HSPA4L: variants seen among roughly 807,000 people sequenced by gnomAD.
HSPA4L encodes heat shock 70 kDa protein 4L.
Under a neutral mutation model 100.3 loss-of-function variants are expected in HSPA4L, and 48 were observed. The observed-to-expected ratio is 0.48, with a 90% CI of 0.38 to 0.61. The LOEUF (loss-of-function observed/expected upper bound fraction) is 0.61. Ranked by LOEUF, HSPA4L falls within the 20% of genes least tolerant of loss-of-function variation. The probability of loss-of-function intolerance (pLI) is 0.00; values close to 1 mark genes in which losing one functional copy is unlikely to be tolerated. For synonymous variants in HSPA4L, 319 were observed against 328.2 expected (o/e 0.97, Z 0.30); for missense variants, 886 against 988.6 (o/e 0.90, Z 1.39).
At chr4:127,791,384 A>G (rs1425557734) in intron 1 of HSPA4L, among the ~76,000 whole-genome samples, 1 of 152,236 alleles carries the variant, frequency 6.6e-6, no homozygotes, top group Non-Finnish European at 1.5e-5. Context: ...AGGTCCATCC[A>G]TAATTTTTGT....
chr4:127,789,325 T>C (rs915162341), intron 1 of HSPA4L, among the ~76,000 whole-genome samples: 5 of 152,156 alleles, frequency 3.3e-5, no homozygotes, highest in African/African-American at 1.2e-4. Flanking sequence ...CAAGAGCAGA[T>C]TGGATATTAT....
At position 127,839,121 on chromosome 4, in the gene HSPA4L, A is replaced by G. The variant is rs1433703864; in HGVS notation, c.*6247A>G. 1 of 152,178 alleles carries G rather than the reference A, an allele frequency of 6.6e-6. No homozygotes were observed. The highest frequency in any genetic ancestry group is 1.9e-4 in the East Asian group (1 of 5,206). 9.4% of individuals were successfully genotyped at this position (152,178 alleles called of 1,614,324 possible). A position where few individuals can be genotyped will look rare whatever the true frequency, so the allele number is the denominator to read the frequency against. On this transcript the variant is annotated 3_prime_UTR_variant, in exon 19 of 19. Transcript: ENST00000296464. ...ATTTGACAGAATAACAAGGGTCAGA[A>G]ATTCAAAATAGCTGTTAGACACCTT... is the stretch of plus-strand genomic sequence containing the variant.
intron 13 of HSPA4L, among the ~76,000 whole-genome samples, chr4:127,820,100 T>C (rs942933749): frequency 5.9e-5 from 9 of 152,132 alleles, no homozygotes; most frequent in African/African-American, 2.2e-4. Context: ...GCTGCAACAT[T>C]TTACAATCCT....
intron 4 of HSPA4L, 84 bp downstream of exon 4, chr4:127,798,793 C>A: frequency 7.6e-7 from 1 of 1,316,346 alleles, no homozygotes; most frequent in Non-Finnish European, 1.0e-6. Flanking sequence ...TCTTCCCTTA[C>A]ACTTTCTGCC....
At chr4:127,804,123 A>G in intron 8 of HSPA4L, 36 bp downstream of exon 8, 1 of 1,528,420 alleles carries the variant, frequency 6.5e-7, no homozygotes. Flanking sequence ...AAACTGTACC[A>G]TAATGTTGCC....
chr4:127,805,835 C>A, intron 10 of HSPA4L, 42 bp downstream of exon 10: 1 of 1,343,710 alleles, frequency 7.4e-7, no homozygotes, highest in Non-Finnish European at 1.0e-6. Flanking sequence ...TGTCATAAAT[C>A]TTTACCCAGT....
chr4:127,831,500 T>TAAA (rs1734079408), intron 18 of HSPA4L, among the ~76,000 whole-genome samples: 1 of 113,260 alleles, frequency 8.8e-6, no homozygotes, highest in Non-Finnish European at 1.7e-5. Flanking sequence ...ACCTTGTCTA[T>TAAA]TAAAAAAAAA....
chr4:127,803,178 C>T (rs368082212), intron 6 of HSPA4L, among the ~76,000 whole-genome samples: 1 of 151,876 alleles, frequency 6.6e-6, no homozygotes, highest in East Asian at 1.9e-4. Flanking sequence ...GTCAAAAGGC[C>T]TAATTTCTGA....
upstream of HSPA4L, chr4:127,781,963 C>T (rs1732563585): frequency 4.6e-6 from 2 of 432,846 alleles, no homozygotes; most frequent in Non-Finnish European, 4.7e-6. Context: ...AAATGTGCCT[C>T]AAAACACGTT....
intron 12 of HSPA4L, among the ~76,000 whole-genome samples, chr4:127,816,948 T>C (rs1733684388): frequency 6.6e-6 from 1 of 152,194 alleles, no homozygotes; most frequent in Admixed American, 6.5e-5. Flanking sequence ...TTTTTCTGAG[T>C]AATACAAAAA....
At chr4:127,805,004 G>A in intron 8 of HSPA4L, 69 bp from the exon 9 acceptor site, 1 of 984,326 alleles carries the variant, frequency 1.0e-6, no homozygotes, top group Non-Finnish European at 1.5e-6. Flanking sequence ...TTTTAAAAAA[G>A]TACTCGACAA....
Position 127,835,244 on chromosome 4 carries a change from G to A in HSPA4L, c.*2370G>A, listed in dbSNP as rs1444395690. The stretch of plus-strand genomic sequence containing the variant: ...AGCAAATAAGAATGAAGTTTGTAGG[G>A]AATATTTGGAATGATTAATATAAAT... On this transcript the variant is annotated 3_prime_UTR_variant, in exon 19 of 19. Transcript: ENST00000296464. 1 of 152,108 alleles carries A rather than the reference G, an allele frequency of 6.6e-6. No individual in the cohort carries two copies. The highest frequency in any genetic ancestry group is 2.4e-5 in the African/African-American group (1 of 41,408). 9.4% of individuals were successfully genotyped at this position (152,108 alleles called of 1,614,324 possible). A position where few individuals can be genotyped will look rare whatever the true frequency, so the allele number is the denominator to read the frequency against.
chr4:127,783,294 T>G (rs1215124461), intron 1 of HSPA4L, among the ~76,000 whole-genome samples: 2 of 151,872 alleles, frequency 1.3e-5, no homozygotes, highest in Non-Finnish European at 2.9e-5. Context: ...AATGGTGCAT[T>G]GATAGGGAGA....
chr4:127,813,914 G>C (rs1300018328), intron 12 of HSPA4L, among the ~76,000 whole-genome samples: 1 of 152,168 alleles, frequency 6.6e-6, no homozygotes, highest in Non-Finnish European at 1.5e-5. Context: ...AAAGTGCTGG[G>C]ATTACAGGTG....
chr4:127,799,145 A>T (rs1308090002), intron 4 of HSPA4L, among the ~76,000 whole-genome samples: 2 of 152,188 alleles, frequency 1.3e-5, no homozygotes, highest in Non-Finnish European at 2.9e-5. Flanking sequence ...CCCATTAAAC[A>T]TTGTTAACTG....
intron 1 of HSPA4L, chr4:127,783,809 ATGGC>A: frequency 1.3e-6 from 1 of 783,692 alleles, no homozygotes. Context: ...GCTTTAAAAT[ATGGC>A]AAAAAGATGT....
chr4:127,783,608 T>C (rs755001115), intron 1 of HSPA4L: 93 of 1,534,512 alleles, frequency 6.1e-5, no homozygotes, highest in Non-Finnish European at 7.9e-5. Context: ...TAGTTGCTGC[T>C]TATAGGCTGC....
chr4:127,795,687 T>A, intron 2 of HSPA4L, 81 bp from the exon 3 acceptor site: 2 of 1,362,152 alleles, frequency 1.5e-6, no homozygotes, highest in Non-Finnish European at 2.1e-6. Context: ...TAAAGGAACT[T>A]GGTGGTTGTC....
chr4:127,830,894 C>A, intron 18 of HSPA4L, 95 bp downstream of exon 18: 1 of 752,146 alleles, frequency 1.3e-6, no homozygotes, highest in Non-Finnish European at 1.9e-6. Flanking sequence ...TGCAGAAGAA[C>A]TTAGAACAGA....
Sources: allele counts gnomAD v4.1 joint callset (sites outside exome capture counted in the v4.1 genomes callset), GRCh38; gene constraint gnomAD v4.1.1; transcripts MANE v1.5; gene names NCBI Gene and HGNC (gene_info 2026-07-23, HGNC 2026-07-21).